Variants in MMP16 observed in about 807,000 individuals in gnomAD.
The protein encoded by MMP16 is matrix metalloproteinase-16.
MMP16 carries 12 observed loss-of-function variants against 67.8 expected under a neutral mutation model. The ratio of observed to expected loss-of-function variants is 0.18; its 90% confidence interval spans 0.11 to 0.29. The LOEUF is 0.29. Ranked by LOEUF, MMP16 falls within the 10% of genes least tolerant of loss-of-function variation. The pLI, the probability that MMP16 is intolerant of heterozygous loss-of-function variation, is 1.00. For missense variants in MMP16, 475 were observed against 765.7 expected (o/e 0.62, Z 4.48); for synonymous variants, 249 against 255.9 (o/e 0.97, Z 0.26).
At chr8:88,180,706 T>TTTGATATCTGGTA (rs1808966186) in intron 3 of MMP16, among the ~76,000 whole-genome samples, 1 of 152,044 alleles carries the variant, frequency 6.6e-6, no homozygotes, top group African/African-American at 2.4e-5. Context: ...TATCCCTCTA[T>TTTGATATCTGGTA]TTGATATCAA....
At chr8:88,206,727 GT>G (rs1207633836) in intron 1 of MMP16, among the ~76,000 whole-genome samples, 1 of 152,178 alleles carries the variant, frequency 6.6e-6, no homozygotes, top group Non-Finnish European at 1.5e-5. Flanking sequence ...TCTGGTGATG[GT>G]TTTTGTGACC....
chr8:88,324,755 A>G (rs1205041094), intron 1 of MMP16, among the ~76,000 whole-genome samples: 1 of 152,160 alleles, frequency 6.6e-6, no homozygotes, highest in African/African-American at 2.4e-5. Context: ...TTCCTATCAA[A>G]AAAAAGTCAA....
intron 4 of MMP16, among the ~76,000 whole-genome samples, chr8:88,119,757 T>A (rs752965693): frequency 1.4e-4 from 22 of 152,164 alleles, no homozygotes; most frequent in Middle Eastern, 3.4e-3. Flanking sequence ...TTGGACAACG[T>A]GGTGTATCAA....
chr8:88,130,969 T>C lies in MMP16; in HGVS notation c.710-12108A>G, dbSNP rs746144098. Among the ~76,000 whole-genome samples the C allele has an allele frequency of 2.6e-5, 4 of 151,902 alleles. No homozygotes were observed. In the East Asian group the frequency reaches 7.8e-4, roughly 30 times the overall value. ...AAAGGCAAGGGATGTAAATCCCTAATTGTGAGATTTCTTTTCCTTTTAATT... is the reference window on the plus strand; with the variant it reads ...AAAGGCAAGGGATGTAAATCCCTAACTGTGAGATTTCTTTTCCTTTTAATT... On this transcript the variant is annotated intron_variant, in intron 4 of 9. Transcript: ENST00000286614.
At chr8:88,190,712 A>AT (rs1243898497) in intron 2 of MMP16, among the ~76,000 whole-genome samples, 2 of 152,206 alleles carry the variant, frequency 1.3e-5, no homozygotes, top group African/African-American at 4.8e-5. Context: ...CAAAGTTAAC[A>AT]TATAAGTGTA....
At chr8:88,065,185 C>T (rs1808449549) in intron 7 of MMP16, among the ~76,000 whole-genome samples, 1 of 152,096 alleles carries the variant, frequency 6.6e-6, no homozygotes, top group African/African-American at 2.4e-5. Context: ...TTACCTTCTT[C>T]CCTGACAAAC....
At chr8:88,268,063 C>A (rs534670288) in intron 1 of MMP16, among the ~76,000 whole-genome samples, 28 of 152,320 alleles carry the variant, frequency 1.8e-4, no homozygotes, top group African/African-American at 6.7e-4. Context: ...AATTCCTAGG[C>A]CGGGAGCGGT....
chr8:88,194,054 C>A (rs981000250), intron 2 of MMP16, among the ~76,000 whole-genome samples: 2 of 151,736 alleles, frequency 1.3e-5, no homozygotes, highest in South Asian at 2.1e-4. Context: ...TCTCTAATAC[C>A]ATTGTTAATT....
In MMP16 at chr8:88,040,582, C is replaced by A. The variant is rs1008256552; in HGVS notation, c.*879G>T. The A allele has an allele frequency of 2.0e-5, 3 of 152,398 alleles. No homozygotes were observed. The highest frequency in any genetic ancestry group is 4.4e-5 in the Non-Finnish European group (3 of 68,024). The allele number at this position is 152,398 out of a possible 1,614,324, so 9.4% of individuals were successfully genotyped here. ...TGACAGACCCATGGAAGGCCTGGGGCAATGGCCTAATACAACTTGGGAAGA... is the reference window on the plus strand; with the variant it reads ...TGACAGACCCATGGAAGGCCTGGGGAAATGGCCTAATACAACTTGGGAAGA... On this transcript the variant is annotated 3_prime_UTR_variant, in exon 10 of 10. Coordinates refer to ENST00000286614, the MANE Select transcript of MMP16 (RefSeq NM_005941.5).
chr8:88,037,992 TA>T lies in MMP16; in HGVS notation c.*3468del, dbSNP rs1248272145. 6.6e-6 allele frequency: 1 copy of T among 152,002 alleles called. No homozygotes were observed. Among genetic ancestry groups the T allele is most frequent in the Non-Finnish European group, 1.5e-5 (1 of 67,910 alleles). The allele number at this position is 152,002 out of a possible 1,614,324, so 9.4% of individuals were successfully genotyped here. A position where few individuals can be genotyped will look rare whatever the true frequency, so the allele number is the denominator to read the frequency against. ...TATTTTATGCCTTGCATATCTCTAG[TA>T]ACACTGAACTGACACCTTATGTTAT... is the stretch of plus-strand genomic sequence containing the variant. On this transcript the variant is annotated 3_prime_UTR_variant, in exon 10 of 10. Coordinates refer to ENST00000286614, the MANE Select transcript of MMP16 (RefSeq NM_005941.5).
chr8:88,157,572 T>A (rs974783995), intron 4 of MMP16, among the ~76,000 whole-genome samples: 3 of 151,980 alleles, frequency 2.0e-5, no homozygotes, highest in African/African-American at 7.2e-5. Context: ...GTGTCTCTGA[T>A]AGAGTGTTTA....
Position 88,056,201 on chromosome 8 carries a change from T to C in MMP16, c.1300A>G (p.Ile434Val), listed in dbSNP as rs1389984090. The C allele has an allele frequency of 6.2e-7, 1 of 1,602,754 alleles. No individual in the cohort carries two copies. Among genetic ancestry groups the C allele is most frequent in the South Asian group, 1.1e-5 (1 of 89,506 alleles). ...PHDLITLGSG[I>V]PPHGIDSAIW... Reference sequence around the variant, plus strand: ...GCTGAATCAATACCATGAGGGGGAATTCCACTTCCAAGGGTTATCAAGTCA... The same window carrying C: ...GCTGAATCAATACCATGAGGGGGAACTCCACTTCCAAGGGTTATCAAGTCA... Residue 434 changes from isoleucine to valine, a missense_variant, in exon 8 of 10, where the codon ATT becomes GTT. Coordinates refer to ENST00000286614, the MANE Select transcript of MMP16 (RefSeq NM_005941.5).
chr8:88,167,001 T>A (rs1198443287), intron 4 of MMP16, among the ~76,000 whole-genome samples: 2 of 151,924 alleles, frequency 1.3e-5, no homozygotes, highest in East Asian at 3.9e-4. Context: ...GATCACCTCC[T>A]GAGAGTTAGA....
chr8:88,183,254 C>CTAA (rs919883216), intron 3 of MMP16, among the ~76,000 whole-genome samples: 39 of 152,082 alleles, frequency 2.6e-4, no homozygotes, highest in Non-Finnish European at 5.9e-5. Flanking sequence ...ATCTACTATG[C>CTAA]TAATGCAAGA....
chr8:88,047,616 G>A (rs1415606088), intron 8 of MMP16, among the ~76,000 whole-genome samples: 1 of 152,138 alleles, frequency 6.6e-6, no homozygotes, highest in African/African-American at 2.4e-5. Context: ...GCACATGCTG[G>A]AGTACCTGTG....
chr8:88,129,061 T>C (rs1807983872), intron 4 of MMP16, among the ~76,000 whole-genome samples: 1 of 151,778 alleles, frequency 6.6e-6, no homozygotes, highest in Admixed American at 6.6e-5. Context: ...ACAGATGTTA[T>C]AGTTGTGTAT....
intron 7 of MMP16, among the ~76,000 whole-genome samples, chr8:88,068,819 A>G (rs1808496637): frequency 1.3e-5 from 2 of 152,156 alleles, no homozygotes; most frequent in Admixed American, 6.5e-5. Context: ...CTCTTGTCTC[A>G]GCCTCCCGAG....
chr8:88,119,634 A>G (rs1020613613), intron 4 of MMP16, among the ~76,000 whole-genome samples: 3 of 152,066 alleles, frequency 2.0e-5, no homozygotes, highest in Non-Finnish European at 4.4e-5. Flanking sequence ...ATTTTATGCA[A>G]TCAACCCCGT....
At chr8:88,081,710 T>C (rs1383303736) in intron 6 of MMP16, among the ~76,000 whole-genome samples, 4 of 152,176 alleles carry the variant, frequency 2.6e-5, no homozygotes, top group Non-Finnish European at 2.9e-5. Flanking sequence ...CAATAAAATA[T>C]ATTTAATAGA....
Sources: allele counts gnomAD v4.1 joint callset (sites outside exome capture counted in the v4.1 genomes callset), GRCh38; gene constraint gnomAD v4.1.1; transcripts MANE v1.5; gene names NCBI Gene and HGNC (gene_info 2026-07-23, HGNC 2026-07-21).